The following ZNF793 variants were observed in gnomAD, a reference collection of about 807,000 sequenced individuals.
ZNF793 encodes the protein zinc finger protein 793.
ZNF793 carries 5 observed loss-of-function variants against 12.4 expected under a neutral mutation model. That is an observed-to-expected ratio of 0.40 (90% CI 0.21 to 0.84). ZNF793 has a LOEUF of 0.84. ZNF793 is among the 40% of genes least tolerant of loss of function. The probability of loss-of-function intolerance (pLI) is 0.35; values close to 1 mark genes in which losing one functional copy is unlikely to be tolerated. For synonymous variants in ZNF793, 162 were observed against 172.4 expected (o/e 0.94, Z 0.47); for missense variants, 456 against 495.0 (o/e 0.92, Z 0.75).
intron 2 of ZNF793, among the ~76,000 whole-genome samples, chr19:37,514,181 A>G (rs978457417): frequency 6.6e-6 from 1 of 152,316 alleles, no homozygotes; most frequent in African/African-American, 2.4e-5. Flanking sequence ...TTTTCAGAAT[A>G]CATATGTAAA....
At chr19:37,512,295 TCA>T (rs2147058882) in intron 2 of ZNF793, among the ~76,000 whole-genome samples, 2 of 152,096 alleles carry the variant, frequency 1.3e-5, no homozygotes, top group African/African-American at 4.8e-5. Context: ...GGTGGGTGGA[TCA>T]CGAGGTCAAG....
At chr19:37,529,603 C>T (rs1490599585) in intron 5 of ZNF793, among the ~76,000 whole-genome samples, 1 of 152,192 alleles carries the variant, frequency 6.6e-6, no homozygotes, top group Non-Finnish European at 1.5e-5. Flanking sequence ...AGCGATTCTC[C>T]TGCCTCAGCC....
At chr19:37,535,259 T>C (rs1406622206) in intron 7 of ZNF793, 1 of 152,256 alleles carries the variant, frequency 6.6e-6, no homozygotes, top group Non-Finnish European at 1.5e-5. Flanking sequence ...CCCAAAGTGC[T>C]GGGATTACTG....
chr19:37,537,549 C>T lies in ZNF793; in HGVS notation c.891C>T (p.His297=). The T allele has an allele frequency of 6.2e-7, 1 of 1,614,174 alleles. No individual in the cohort carries two copies. Among genetic ancestry groups the T allele is most frequent in the Admixed American group, 1.7e-5 (1 of 60,022 alleles). The change falls in exon 8 of 8, where the codon CAC becomes CAT. Residue 297 remains histidine (H), a synonymous_variant. Transcript: ENST00000627814. ...GGAAAGCCTTTACCCAGAAGTCACA[C>T]CGCACAGAACATCAGAGAACACACA... ...FCGKAFTQKS[H]RTEHQRTHTG... is the part of the protein sequence containing the mutation.
At chr19:37,529,798 T>C (rs1446918532) in intron 5 of ZNF793, among the ~76,000 whole-genome samples, 1 of 151,926 alleles carries the variant, frequency 6.6e-6, no homozygotes, top group East Asian at 1.9e-4. Flanking sequence ...TGGCCTGGAG[T>C]GTTCAGTTTA....
intron 5 of ZNF793, 127 bp from the exon 6 acceptor site, chr19:37,532,229 A>T: frequency 9.7e-7 from 1 of 1,035,956 alleles, no homozygotes; most frequent in Non-Finnish European, 1.4e-6. Context: ...TGCCAGGCTG[A>T]TCTTGAACTC....
intron 7 of ZNF793, chr19:37,535,308 A>G (rs1310094142): frequency 6.6e-6 from 1 of 151,940 alleles, no homozygotes; most frequent in Non-Finnish European, 1.5e-5. Flanking sequence ...TTAATTTTCC[A>G]CTGATATCTC....
chr19:37,518,187 G>T (rs530353122), intron 2 of ZNF793, among the ~76,000 whole-genome samples: 34 of 152,038 alleles, frequency 2.2e-4, no homozygotes, highest in African/African-American at 8.2e-4. Context: ...GTGCAGTGGC[G>T]CAATCTCGGC....
chr19:37,532,910 A>T (rs1213801171), intron 6 of ZNF793, among the ~76,000 whole-genome samples: 2 of 152,212 alleles, frequency 1.3e-5, no homozygotes, highest in Non-Finnish European at 2.9e-5. Context: ...ATGTGCCAGA[A>T]ATTGTTTTAG....
chr19:37,523,868 G>A (rs1022902755), intron 5 of ZNF793, among the ~76,000 whole-genome samples: 1 of 152,112 alleles, frequency 6.6e-6, no homozygotes, highest in Non-Finnish European at 1.5e-5. Flanking sequence ...GTTTTAAGCC[G>A]GCCGCTAGGG....
At chr19:37,532,684 T>C (rs2042471505) in intron 6 of ZNF793, among the ~76,000 whole-genome samples, 1 of 152,042 alleles carries the variant, frequency 6.6e-6, no homozygotes. Flanking sequence ...CCAGGTGTGG[T>C]GGCGGGCGCC....
At chr19:37,506,510 C>T (rs1350856432), upstream of ZNF793, 1 of 152,178 alleles carries the variant, frequency 6.6e-6, no homozygotes, top group Non-Finnish European at 1.5e-5. Flanking sequence ...TTCACATTGC[C>T]ATAGGGGAGC....
At chr19:37,515,453 G>A (rs932408327) in intron 2 of ZNF793, among the ~76,000 whole-genome samples, 3 of 151,958 alleles carry the variant, frequency 2.0e-5, no homozygotes, top group East Asian at 1.9e-4. Flanking sequence ...GACCACAGGT[G>A]CCCGCCACCC....
intron 2 of ZNF793, among the ~76,000 whole-genome samples, chr19:37,518,653 A>T (rs1410131938): frequency 6.8e-6 from 1 of 146,962 alleles, no homozygotes; most frequent in African/African-American, 2.6e-5. Flanking sequence ...AAAAAAAATT[A>T]CCCAGGTATG....
In ZNF793 at chr19:37,538,320, T is replaced by A. The variant is rs552010678; in HGVS notation, c.*441T>A. The A allele has an allele frequency of 1.3e-5, 2 of 151,910 alleles. No homozygotes were observed. The highest frequency in any genetic ancestry group is 4.9e-5 in the African/African-American group (2 of 40,874). The allele number at this position is 151,910 out of a possible 1,614,324, so 9.4% of individuals were successfully genotyped here. ...TTTATTTTGAGTTGTATTCTCTGTT[T>A]CCCAGGCTGGAGTGCAATGGCACTA... On this transcript the variant is annotated 3_prime_UTR_variant, in exon 8 of 8. Coordinates refer to ENST00000627814, the MANE Select transcript of ZNF793 (RefSeq NM_001013659.3).
At chr19:37,528,036 G>A (rs2042429973) in intron 5 of ZNF793, among the ~76,000 whole-genome samples, 2 of 152,112 alleles carry the variant, frequency 1.3e-5, no homozygotes, top group African/African-American at 4.8e-5. Context: ...GGCTGAGGCA[G>A]GAGAATCGCT....
At position 37,542,185 on chromosome 19, in the gene ZNF793, G is replaced by A. The variant is rs1482655350; in HGVS notation, c.*4306G>A. The A allele has an allele frequency of 7.5e-5, 12 of 160,732 alleles. No individual in the cohort carries two copies. Among genetic ancestry groups the A allele is most frequent in the Admixed American group, 5.5e-4 (9 of 16,250 alleles). 10.0% of individuals were successfully genotyped at this position (160,732 alleles called of 1,614,324 possible). A position where few individuals can be genotyped will look rare whatever the true frequency, so the allele number is the denominator to read the frequency against. ...AGGCAGGCAAATTGTCTGAGGTCGGGAGTTCGAGAACAGCCTGGCCAGCAT... is the reference window on the plus strand; with the variant it reads ...AGGCAGGCAAATTGTCTGAGGTCGGAAGTTCGAGAACAGCCTGGCCAGCAT... On this transcript the variant is annotated 3_prime_UTR_variant, in exon 8 of 8. Transcript: ENST00000627814.
At chr19:37,522,228 G>T (rs1003252676) in intron 3 of ZNF793, among the ~76,000 whole-genome samples, 1 of 151,916 alleles carries the variant, frequency 6.6e-6, no homozygotes, top group East Asian at 1.9e-4. Flanking sequence ...ACCAAGTCTC[G>T]CTCTTGTCAC....
At chr19:37,531,932 C>T (rs1268281802) in intron 5 of ZNF793, among the ~76,000 whole-genome samples, 2 of 152,086 alleles carry the variant, frequency 1.3e-5, no homozygotes, top group African/African-American at 2.4e-5. Flanking sequence ...TAACACAAAG[C>T]CAAGAATATA....
Sources: gnomAD v4.1 joint callset for allele counts (sites outside exome capture counted in the v4.1 genomes callset) on GRCh38, gnomAD v4.1.1 for gene constraint, MANE v1.5 for transcripts, NCBI Gene and HGNC (gene_info 2026-07-23, HGNC 2026-07-21) for gene names.